LHFPL6: variants seen among roughly 807,000 people sequenced by gnomAD.
The protein encoded by LHFPL6 is LHFPL tetraspan subfamily member 6.
In LHFPL6, 9 loss-of-function variants were observed where a neutral mutation model predicts 20.6. The observed-to-expected ratio is 0.44, with a 90% CI of 0.26 to 0.76. The LOEUF (loss-of-function observed/expected upper bound fraction) is 0.76. Ranked by LOEUF, LHFPL6 falls within the 30% of genes least tolerant of loss-of-function variation. The probability of loss-of-function intolerance (pLI) is 0.20; values close to 1 mark genes in which losing one functional copy is unlikely to be tolerated. For synonymous variants in LHFPL6, 105 were observed against 98.7 expected, an observed-to-expected ratio of 1.06 and a Z score of -0.38; for missense variants, 218 against 253.5, an observed-to-expected ratio of 0.86 and a Z score of 0.95.
chr13:39,565,723 G>T (rs1284859737), intron 2 of LHFPL6, among the ~76,000 whole-genome samples: 1 of 152,216 alleles, frequency 6.6e-6, no homozygotes, highest in Non-Finnish European at 1.5e-5. Flanking sequence ...AGGCTGACAA[G>T]CCCTTCTTTT....
chr13:39,434,802 A>G (rs1053692185), intron 2 of LHFPL6, among the ~76,000 whole-genome samples: 4 of 151,866 alleles, frequency 2.6e-5, no homozygotes, highest in Non-Finnish European at 5.9e-5. Context: ...CACGCCTGTA[A>G]TCCCAGCACT....
chr13:39,373,029 G>A (rs1246527688), intron 3 of LHFPL6, among the ~76,000 whole-genome samples: 2 of 152,130 alleles, frequency 1.3e-5, no homozygotes, highest in African/African-American at 4.8e-5. Context: ...CCTACCTAAA[G>A]CCTACAAGGG....
At chr13:39,569,578 A>G (rs545331289) in intron 2 of LHFPL6, among the ~76,000 whole-genome samples, 3 of 152,338 alleles carry the variant, frequency 2.0e-5, no homozygotes, top group South Asian at 4.1e-4. Context: ...CCAAGAATAA[A>G]CGGTGTTAAA....
intron 2 of LHFPL6, among the ~76,000 whole-genome samples, chr13:39,406,653 A>C (rs764084815): frequency 5.9e-5 from 9 of 152,232 alleles, no homozygotes; most frequent in African/African-American, 9.6e-5. Context: ...CTCTGAATAA[A>C]ATAGTCAATT....
At chr13:39,562,043 A>G (rs1043217179) in intron 2 of LHFPL6, among the ~76,000 whole-genome samples, 22 of 152,192 alleles carry the variant, frequency 1.4e-4, no homozygotes, top group African/African-American at 5.3e-4. Context: ...ACTATTTCCC[A>G]TGAGTTATAA....
chr13:39,378,959 T>C (rs2138360122), intron 2 of LHFPL6, among the ~76,000 whole-genome samples: 1 of 152,288 alleles, frequency 6.6e-6, no homozygotes, highest in South Asian at 2.1e-4. Flanking sequence ...AATGATTCAG[T>C]GTTGTCAAAT....
intron 2 of LHFPL6, among the ~76,000 whole-genome samples, chr13:39,593,493 T>C (rs1043600000): frequency 2.0e-5 from 3 of 151,978 alleles, no homozygotes; most frequent in African/African-American, 7.2e-5. Flanking sequence ...GAACATTCCA[T>C]GCTCATGGGT....
chr13:39,435,871 A>C lies in LHFPL6; in HGVS notation c.386-57345T>G, dbSNP rs112439330. ...CTATTGAAACAGGTCATATGCATACATATGAGAACTTATTAACTATTTTCT... is the reference window on the plus strand; with the variant it reads ...CTATTGAAACAGGTCATATGCATACCTATGAGAACTTATTAACTATTTTCT... On this transcript the variant is annotated intron_variant, in intron 2 of 3. Coordinates refer to ENST00000379589, the MANE Select transcript of LHFPL6 (RefSeq NM_005780.3). Among the ~76,000 whole-genome samples the C allele has an allele frequency of 3.0e-3, 457 of 152,292 alleles. 8 individuals carry two copies. In the South Asian group the frequency reaches 0.037, roughly 12 times the overall value.
intron 2 of LHFPL6, among the ~76,000 whole-genome samples, chr13:39,543,905 T>C (rs938290308): frequency 2.0e-5 from 3 of 152,182 alleles, no homozygotes; most frequent in Non-Finnish European, 4.4e-5. Flanking sequence ...CTGGAAAATG[T>C]CCAAAAAGAT....
intron 2 of LHFPL6, among the ~76,000 whole-genome samples, chr13:39,484,500 C>T (rs543707109): frequency 6.9e-4 from 105 of 152,266 alleles, no homozygotes; most frequent in Non-Finnish European, 9.0e-4. Context: ...AAATCATCCA[C>T]TGATGGAAAA....
chr13:39,506,739 G>GA, intron 2 of LHFPL6, among the ~76,000 whole-genome samples: 1 of 152,146 alleles, frequency 6.6e-6, no homozygotes, highest in East Asian at 1.9e-4. Flanking sequence ...GGAAGGTGTG[G>GA]AAAAATAATG....
intron 2 of LHFPL6, among the ~76,000 whole-genome samples, chr13:39,481,313 C>T (rs1434221176): frequency 6.6e-6 from 1 of 152,162 alleles, no homozygotes; most frequent in East Asian, 1.9e-4. Context: ...CCATACGAAG[C>T]ACCTATATTC....
At chr13:39,561,025 T>G (rs1871462183) in intron 2 of LHFPL6, among the ~76,000 whole-genome samples, 1 of 152,008 alleles carries the variant, frequency 6.6e-6, no homozygotes, top group South Asian at 2.1e-4. Flanking sequence ...CACCTTCCTC[T>G]GCATTCTTCA....
At chr13:39,463,183 C>T (rs577977223) in intron 2 of LHFPL6, among the ~76,000 whole-genome samples, 1 of 152,256 alleles carries the variant, frequency 6.6e-6, no homozygotes, top group South Asian at 2.1e-4. Context: ...CTAGCAAATG[C>T]TCATGGCCCT....
chr13:39,522,429 C>T (rs1870138830), intron 2 of LHFPL6, among the ~76,000 whole-genome samples: 1 of 152,090 alleles, frequency 6.6e-6, no homozygotes, highest in Non-Finnish European at 1.5e-5. Context: ...GTTTTAAACC[C>T]AACTCTCCAA....
chr13:39,538,269 C>T (rs1235912147), intron 2 of LHFPL6, among the ~76,000 whole-genome samples: 3 of 151,566 alleles, frequency 2.0e-5, no homozygotes, highest in Non-Finnish European at 2.9e-5. Flanking sequence ...AGATTACAGA[C>T]GTGAGCCACC....
intron 2 of LHFPL6, among the ~76,000 whole-genome samples, chr13:39,482,223 C>G (rs1377377942): frequency 2.0e-5 from 3 of 152,150 alleles, no homozygotes; most frequent in Non-Finnish European, 4.4e-5. Flanking sequence ...ATGGGCAGAT[C>G]ATTTGAGGTC....
chr13:39,495,779 ATTT>A lies in LHFPL6; in HGVS notation c.385+105050_385+105052del, dbSNP rs10558170. Among the ~76,000 whole-genome samples the A allele has an allele frequency of 5.2e-3, 465 of 89,572 alleles. 1 individual carries two copies. Among genetic ancestry groups the A allele is most frequent in the Middle Eastern group, 0.029 (4 of 138 alleles). The allele number at this position is 89,572 out of a possible 152,430, so 58.8% of individuals were successfully genotyped here. A position where few individuals can be genotyped will look rare whatever the true frequency, so the allele number is the denominator to read the frequency against. On this transcript the variant is annotated intron_variant, in intron 2 of 3. Transcript: ENST00000379589. The stretch of plus-strand genomic sequence containing the variant: ...GAGAAGCTTGGGATGTAACTCAATA[ATTT>A]TTTTTTTTTTTTTTTTTTTTTTAGT...
At chr13:39,454,843 G>A (rs1872532572) in intron 2 of LHFPL6, among the ~76,000 whole-genome samples, 1 of 152,130 alleles carries the variant, frequency 6.6e-6, no homozygotes, top group Admixed American at 6.5e-5. Context: ...AAGGAGTGGA[G>A]ATACAATATT....
Sources: gnomAD v4.1 joint callset for allele counts (sites outside exome capture counted in the v4.1 genomes callset) on GRCh38, gnomAD v4.1.1 for gene constraint, MANE v1.5 for transcripts, NCBI Gene and HGNC (gene_info 2026-07-23, HGNC 2026-07-21) for gene names.